PAPPA2: variants seen among roughly 807,000 people sequenced by gnomAD.
The protein encoded by PAPPA2 is pappalysin 2, also known as pappalysin-2.
PAPPA2 carries 86 observed loss-of-function variants against 176.4 expected under a neutral mutation model. That is an observed-to-expected ratio of 0.49 (90% CI 0.41 to 0.58). PAPPA2 has a LOEUF of 0.58. Among genes scored for constraint, PAPPA2 ranks in the 20% least tolerant of loss-of-function variants. The pLI is 0.00. For synonymous variants in PAPPA2, 809 were observed against 852.2 expected (o/e 0.95, Z 0.88); for missense variants, 2,073 against 2,256.9 (o/e 0.92, Z 1.65).
intron 22 of PAPPA2, among the ~76,000 whole-genome samples, chr1:176,840,606 C>A (rs1667452193): frequency 6.6e-6 from 1 of 152,134 alleles, no homozygotes; most frequent in South Asian, 2.1e-4. Flanking sequence ...GGATTATCAA[C>A]AAACTGCTAT....
rs1281914038 is a variant in PAPPA2 at position 176,722,993 on chromosome 1, G to A, written c.3798+11012G>A. On this transcript the variant is annotated intron_variant, in intron 12 of 22. Transcript: ENST00000367662. ...GTTTATAAAGAAAATAAGTTTGTTT[G>A]GCTCATAGTTCTGGAGACTAAGAAG... is the stretch of plus-strand genomic sequence containing the variant. Among the ~76,000 whole-genome samples, 3 of 152,138 alleles carry A rather than the reference G, an allele frequency of 2.0e-5. No individual in the cohort carries two copies. In the South Asian group the frequency reaches 6.2e-4, roughly 32 times the overall value.
rs763867089 is a variant in PAPPA2, at chr1:176,789,944, G to C, written c.4851G>C (p.Gln1617His). 4 of 1,614,150 alleles carry C rather than the reference G, an allele frequency of 2.5e-6. No individual in the cohort carries two copies. The highest frequency in any genetic ancestry group is 2.5e-6 in the Non-Finnish European group (3 of 1,180,008). ...ECTNGFSLDS[Q>H]CVLNCNQERE... ...CCAATGGCTTCAGCCTGGACAGCCAGTGTGTGCTCAACTGTAACCAGGAAC... is the reference window on the plus strand; with the variant it reads ...CCAATGGCTTCAGCCTGGACAGCCACTGTGTGCTCAACTGTAACCAGGAAC... Residue 1617 changes from glutamine (Q) to histidine (H), a missense_variant, in exon 18 of 23, where the codon CAG becomes CAC. Gln to His is a conservative substitution (Grantham distance 24, BLOSUM62 0). Coordinates refer to ENST00000367662, the MANE Select transcript of PAPPA2 (RefSeq NM_020318.3).
chr1:176,685,389 A>G (rs1659789281), intron 4 of PAPPA2, among the ~76,000 whole-genome samples: 1 of 152,170 alleles, frequency 6.6e-6, no homozygotes, highest in South Asian at 2.1e-4. Flanking sequence ...AGTGCCAGCC[A>G]AAGAAGGAGC....
chr1:176,521,589 T>C (rs1649218133), intron 1 of PAPPA2, among the ~76,000 whole-genome samples: 2 of 152,192 alleles, frequency 1.3e-5, no homozygotes, highest in South Asian at 4.1e-4. Flanking sequence ...TAGCTTGTTA[T>C]ATAATAACAG....
intron 21 of PAPPA2, among the ~76,000 whole-genome samples, chr1:176,838,035 C>T (rs1667342233): frequency 1.3e-5 from 2 of 152,072 alleles, no homozygotes; most frequent in Admixed American, 1.3e-4. Flanking sequence ...TATTTCTTCT[C>T]TTTTCTATAA....
intron 2 of PAPPA2, among the ~76,000 whole-genome samples, chr1:176,569,603 C>T (rs1335680235): frequency 1.3e-5 from 2 of 152,152 alleles, no homozygotes; most frequent in Admixed American, 6.5e-5. Flanking sequence ...GGGTGTTTGA[C>T]GTTAAATAAG....
At chr1:176,621,586 A>G (rs1032860936) in intron 3 of PAPPA2, among the ~76,000 whole-genome samples, 6 of 152,192 alleles carry the variant, frequency 3.9e-5, no homozygotes, top group Non-Finnish European at 8.8e-5. Context: ...AAAGAACGCA[A>G]TGGTGGTTGT....
intron 14 of PAPPA2, among the ~76,000 whole-genome samples, chr1:176,764,267 G>A (rs1350648977): frequency 6.6e-6 from 1 of 152,112 alleles, no homozygotes; most frequent in East Asian, 1.9e-4. Context: ...ATAGCAGAAG[G>A]CCTTTTAGAA....
At position 176,568,324 on chromosome 1, in the gene PAPPA2, T is replaced by G. The variant is rs1029859542; in HGVS notation, c.919+11083T>G. On this transcript the variant is annotated intron_variant, in intron 2 of 22. Transcript: ENST00000367662. ...TAAATTTTCCTTTGACAAGTGGTTC[T>G]GTAGCACTTACTCTGTGCCAAGCAC... 4.6e-5 allele frequency among the ~76,000 whole-genome samples: 7 copies of G among 152,344 alleles called. No individual in the cohort carries two copies. The East Asian group carries it at 7.7e-4, about 17-fold the overall frequency.
chr1:176,511,215 A>G (rs1648581266), intron 1 of PAPPA2, among the ~76,000 whole-genome samples: 1 of 152,216 alleles, frequency 6.6e-6, no homozygotes, highest in Non-Finnish European at 1.5e-5. Flanking sequence ...TAATCAAATG[A>G]AAGCTGTAAT....
At chr1:176,685,277 T>C (rs997938976) in intron 4 of PAPPA2, among the ~76,000 whole-genome samples, 4 of 152,166 alleles carry the variant, frequency 2.6e-5, no homozygotes, top group African/African-American at 9.7e-5. Flanking sequence ...TTCATGACAA[T>C]CCTTTGAGGT....
At chr1:176,580,575 G>T (rs1652905546) in intron 2 of PAPPA2, among the ~76,000 whole-genome samples, 1 of 152,138 alleles carries the variant, frequency 6.6e-6, no homozygotes, top group Non-Finnish European at 1.5e-5. Flanking sequence ...CTCCACAGTG[G>T]CTGTACTAGT....
chr1:176,537,719 AGTGTGT>A lies in PAPPA2; in HGVS notation c.-916-17657_-916-17652del, dbSNP rs57602344. On this transcript the variant is annotated intron_variant, in intron 1 of 22. Transcript: ENST00000367662. ...GTCCGTTTCAAGGCAGTAGGTATGG[AGTGTGT>A]GTGTGTGTGTGTGTGTGTGTGTGTG... 2.6e-3 allele frequency among the ~76,000 whole-genome samples: 381 copies of A among 143,928 alleles called. 1 individual carries two copies. Among genetic ancestry groups the A allele is most frequent in the Middle Eastern group, 0.011 (3 of 276 alleles). The allele number at this position is 143,928 out of a possible 152,430, so 94.4% of individuals were successfully genotyped here. A position where few individuals can be genotyped will look rare whatever the true frequency, so the allele number is the denominator to read the frequency against.
chr1:176,791,803 C>T (rs1665189951), intron 19 of PAPPA2, among the ~76,000 whole-genome samples: 1 of 152,170 alleles, frequency 6.6e-6, no homozygotes, highest in Non-Finnish European at 1.5e-5. Flanking sequence ...ATCTGCCCAC[C>T]TCAGCTGGGA....
chr1:176,492,924 T>C (rs1277247741), intron 1 of PAPPA2, among the ~76,000 whole-genome samples: 1 of 152,178 alleles, frequency 6.6e-6, no homozygotes, highest in African/African-American at 2.4e-5. Context: ...ATATTTTTAA[T>C]TACAATCCAC....
intron 3 of PAPPA2, among the ~76,000 whole-genome samples, chr1:176,616,070 A>G (rs1270039667): frequency 6.6e-6 from 1 of 152,192 alleles, no homozygotes; most frequent in Non-Finnish European, 1.5e-5. Flanking sequence ...TCTTTTGCCA[A>G]ATGTCTAAAT....
chr1:176,743,234 G>A (rs564874643), intron 14 of PAPPA2, among the ~76,000 whole-genome samples: 1 of 151,724 alleles, frequency 6.6e-6, no homozygotes, highest in Admixed American at 6.6e-5. Flanking sequence ...TTATTTTCTG[G>A]AAAAAAAATG....
intron 21 of PAPPA2, among the ~76,000 whole-genome samples, chr1:176,829,358 G>A (rs960510604): frequency 6.6e-6 from 1 of 152,102 alleles, no homozygotes; most frequent in Non-Finnish European, 1.5e-5. Context: ...CAAGGCATAC[G>A]GTCGTTTCCT....
intron 2 of PAPPA2, among the ~76,000 whole-genome samples, chr1:176,574,353 G>C (rs1197896906): frequency 4.6e-5 from 7 of 152,052 alleles, no homozygotes; most frequent in Non-Finnish European, 5.9e-5. Context: ...TACTGGATGG[G>C]GAAAATGAGG....
Sources: allele counts gnomAD v4.1 joint callset (sites outside exome capture counted in the v4.1 genomes callset), GRCh38; gene constraint gnomAD v4.1.1; transcripts MANE v1.5; gene names NCBI Gene and HGNC (gene_info 2026-07-23, HGNC 2026-07-21).